PTK2: variants seen among roughly 807,000 people sequenced by gnomAD.
The protein encoded by PTK2 is protein tyrosine kinase 2.
A neutral mutation model predicts 150.1 loss-of-function variants in PTK2; 45 were observed. That is an observed-to-expected ratio of 0.30 (90% CI 0.24 to 0.38). PTK2 has a LOEUF of 0.38. PTK2 is among the 10% of genes least tolerant of loss of function. The probability of loss-of-function intolerance (pLI) is 1.00; values close to 1 mark genes in which losing one functional copy is unlikely to be tolerated. For missense variants in PTK2, 919 were observed against 1,307.3 expected, an observed-to-expected ratio of 0.70 and a Z score of 4.58; for synonymous variants, 432 against 449.2, an observed-to-expected ratio of 0.96 and a Z score of 0.48.
At chr8:140,680,872 G>GT (rs1480378631) in intron 27 of PTK2, among the ~76,000 whole-genome samples, 2 of 152,134 alleles carry the variant, frequency 1.3e-5, no homozygotes, top group Non-Finnish European at 2.9e-5. Flanking sequence ...AGATTTTAAG[G>GT]TAAGTGTTGA....
At position 140,789,486 on chromosome 8, in the gene PTK2, C is replaced by T. The variant is rs745429526; in HGVS notation, c.1165G>A (p.Val389Ile). 3.5e-5 allele frequency: 56 copies of T among 1,613,230 alleles called. 1 individual carries two copies. Among genetic ancestry groups the T allele is most frequent in the East Asian group, 2.9e-4 (13 of 44,862 alleles). ...TAGAGCCCCTTACCTGACACAGAGA[C>T]GGCGTGTGTCCGCATGCCTTGCTTT... The change falls in exon 14 of 32, where the codon GTC becomes ATC. Residue 389 changes from valine (V) to isoleucine (I), a missense_variant. Val to Ile is a conservative substitution (Grantham distance 29). Around this residue, in one of 3 missense-constraint regions of PTK2, gnomAD observed 555 missense variants for 880.1 expected, o/e 0.63. Coordinates refer to ENST00000522684, the Ensembl canonical transcript of PTK2.
At chr8:140,672,628 C>G (rs1246478022) in intron 29 of PTK2, among the ~76,000 whole-genome samples, 1 of 152,218 alleles carries the variant, frequency 6.6e-6, no homozygotes, top group Non-Finnish European at 1.5e-5. Context: ...CAGTGGCTGC[C>G]CATTCACCCT....
intron 7 of PTK2, among the ~76,000 whole-genome samples, chr8:140,837,116 C>T (rs2100119112): frequency 6.6e-6 from 1 of 152,128 alleles, no homozygotes; most frequent in Non-Finnish European, 1.5e-5. Context: ...TTGGTAGCTG[C>T]CTTCTCTCCT....
intron 8 of PTK2, chr8:140,821,104 G>A (rs987428997): frequency 1.3e-5 from 2 of 152,346 alleles, no homozygotes; most frequent in Non-Finnish European, 2.9e-5. Context: ...TAGGGAGGGG[G>A]TTCGATTACT....
chr8:140,816,106 T>C (rs1339256938), intron 10 of PTK2, among the ~76,000 whole-genome samples: 2 of 152,104 alleles, frequency 1.3e-5, no homozygotes, highest in Non-Finnish European at 2.9e-5. Context: ...AAAATTCTAA[T>C]AAAAAACCTG....
chr8:140,895,353 T>A (rs2100155737), intron 2 of PTK2, among the ~76,000 whole-genome samples: 1 of 151,914 alleles, frequency 6.6e-6, no homozygotes. Context: ...GTGAGACCCC[T>A]ACAAAATAAT....
intron 30 of PTK2, among the ~76,000 whole-genome samples, chr8:140,667,371 C>T (rs11166992): frequency 0.41 from 62,669 of 152,044 alleles, 13,681 homozygotes; most frequent in Non-Finnish European, 0.49. Flanking sequence ...GGAGGACACC[C>T]CTGTGCAACC....
chr8:140,763,892 T>C (rs1313853821), intron 15 of PTK2, among the ~76,000 whole-genome samples: 2 of 152,164 alleles, frequency 1.3e-5, no homozygotes, highest in African/African-American at 4.8e-5. Context: ...ATTGTGTGTG[T>C]ATATACACAC....
At chr8:140,965,454 G>A (rs935546757) in intron 1 of PTK2, among the ~76,000 whole-genome samples, 2 of 152,126 alleles carry the variant, frequency 1.3e-5, no homozygotes, top group Admixed American at 6.5e-5. Context: ...GCCATGCACT[G>A]CACAAGGTAT....
rs566808626 is a variant in PTK2 at position 140,979,736 on chromosome 8, G to A, written c.-122+21389C>T. Among the ~76,000 whole-genome samples the A allele has an allele frequency of 2.6e-4, 39 of 152,244 alleles. No homozygotes were observed. In the East Asian group the frequency reaches 3.3e-3, roughly 13 times the overall value. On this transcript the variant is annotated intron_variant, in intron 1 of 31. Transcript: ENST00000522684. ...GCGGGCTCTTTCCCGTGATGTTCTC[G>A]TGATACTAAGTTTCATGAGATCTGA... is the stretch of plus-strand genomic sequence containing the variant.
intron 12 of PTK2, among the ~76,000 whole-genome samples, chr8:140,797,431 T>C (rs1227883072): frequency 2.0e-5 from 3 of 152,236 alleles, no homozygotes; most frequent in African/African-American, 7.2e-5. Context: ...ATTGTGTCGC[T>C]TCAGCAGCAC....
At chr8:140,727,384 A>G (rs1280643951) in intron 22 of PTK2, among the ~76,000 whole-genome samples, 1 of 152,174 alleles carries the variant, frequency 6.6e-6, no homozygotes, top group African/African-American at 2.4e-5. Flanking sequence ...AACACAAACA[A>G]AAAACTCCTG....
At chr8:140,678,403 G>A (rs748555971) in intron 27 of PTK2, among the ~76,000 whole-genome samples, 2 of 152,018 alleles carry the variant, frequency 1.3e-5, no homozygotes, top group Non-Finnish European at 2.9e-5. Flanking sequence ...CTGCAGTGCT[G>A]TGGCATGATC....
intron 23 of PTK2, among the ~76,000 whole-genome samples, chr8:140,712,354 T>C (rs951799950): frequency 2.0e-5 from 3 of 152,180 alleles, no homozygotes; most frequent in Non-Finnish European, 4.4e-5. Context: ...TCTGTTTTGT[T>C]GCAATATATG....
intron 14 of PTK2, among the ~76,000 whole-genome samples, chr8:140,782,004 A>G (rs1486090675): frequency 6.6e-6 from 1 of 152,094 alleles, no homozygotes; most frequent in African/African-American, 2.4e-5. Context: ...CAACACGATC[A>G]GCCAGTCTAT....
chr8:140,911,025 C>T (rs552632863), intron 2 of PTK2, among the ~76,000 whole-genome samples: 11 of 151,668 alleles, frequency 7.3e-5, no homozygotes, highest in African/African-American at 2.4e-4. Context: ...CTACAAGTGT[C>T]GCACCACTAT....
At chr8:140,888,830 T>C (rs2100153219) in intron 3 of PTK2, among the ~76,000 whole-genome samples, 1 of 152,236 alleles carries the variant, frequency 6.6e-6, no homozygotes, top group Non-Finnish European at 1.5e-5. Context: ...ATGAATGCCC[T>C]AGAGTTCATT....
At chr8:140,986,455 ATAAC>A (rs2100193277) in intron 1 of PTK2, among the ~76,000 whole-genome samples, 1 of 152,254 alleles carries the variant, frequency 6.6e-6, no homozygotes, top group African/African-American at 2.4e-5. Flanking sequence ...CAAGAAATAA[ATAAC>A]AGGCAAAAAT....
intron 31 of PTK2, among the ~76,000 whole-genome samples, chr8:140,660,171 T>C (rs1285132399): frequency 6.6e-6 from 1 of 152,198 alleles, no homozygotes; most frequent in Non-Finnish European, 1.5e-5. Flanking sequence ...TTGCGCTGTT[T>C]AGACTTTATT....
Sources: allele counts gnomAD v4.1 joint callset (sites outside exome capture counted in the v4.1 genomes callset), GRCh38; gene constraint gnomAD v4.1.1; regional missense constraint gnomAD v4.1.1; transcripts MANE v1.5; gene names NCBI Gene and HGNC (gene_info 2026-07-23, HGNC 2026-07-21).